TBC1D22B: variants seen among roughly 807,000 people sequenced by gnomAD.
TBC1D22B encodes the protein TBC1 domain family member 22B, also known as chromosome 6 open reading frame 197.
A neutral mutation model predicts 69.1 loss-of-function variants in TBC1D22B; 32 were observed. The ratio of observed to expected loss-of-function variants is 0.46; its 90% CI spans 0.35 to 0.62. The LOEUF (loss-of-function observed/expected upper bound fraction) is 0.62, where lower values mean the gene tolerates loss of function less well. Ranked by LOEUF, TBC1D22B falls within the 20% of genes least tolerant of loss-of-function variation. The pLI, the probability that TBC1D22B is intolerant of heterozygous loss-of-function variation, is 0.00. For missense variants in TBC1D22B, 462 were observed against 630.9 expected (o/e 0.73, Z 2.87); for synonymous variants, 206 against 229.8 (o/e 0.90, Z 0.94).
intron 8 of TBC1D22B, chr6:37,295,721 G>C (rs552046273): frequency 3.5e-4 from 114 of 328,726 alleles, no homozygotes; most frequent in African/African-American, 2.5e-3. Flanking sequence ...TCGATTCCCT[G>C]GTCTCTTCCC....
In TBC1D22B at chr6:37,273,200, A is replaced by G. The variant is rs868363596; in HGVS notation, c.113+3550A>G. Among the ~76,000 whole-genome samples, 793 of 151,964 alleles carry G rather than the reference A, an allele frequency of 5.2e-3. 4 individuals are homozygous for G. Among genetic ancestry groups the G allele is most frequent in the African/African-American group, 0.018 (729 of 41,364 alleles). On this transcript the variant is annotated intron_variant, in intron 2 of 12. Transcript: ENST00000373491. ...CCCCGAGGCAAAAAAAAAAAAAAAA[A>G]AAAAACGAGAATAGCAAAGACAACA...
rs1240280143 is a variant in TBC1D22B at position 37,332,310 on chromosome 6, T to C, written c.*1138T>C. The C allele has an allele frequency of 6.6e-6, 1 of 151,730 alleles. No homozygotes were observed. The highest frequency in any genetic ancestry group is 2.1e-4 in the South Asian group (1 of 4,796). 9.4% of individuals were successfully genotyped at this position (151,730 alleles called of 1,614,324 possible). On this transcript the variant is annotated 3_prime_UTR_variant, in exon 13 of 13. Transcript: ENST00000373491. The stretch of plus-strand genomic sequence containing the variant: ...CTTTCCTGGAGCATCTGCCCTTTGC[T>C]CCTAGCAGCCTCCCCAGGAAGGGAC...
At chr6:37,292,097 G>A (rs918270300) in intron 8 of TBC1D22B, among the ~76,000 whole-genome samples, 6 of 152,216 alleles carry the variant, frequency 3.9e-5, no homozygotes, top group Non-Finnish European at 8.8e-5. Flanking sequence ...AGAACCTCAT[G>A]TAGGAATAAG....
chr6:37,291,809 A>G (rs1767196073), intron 8 of TBC1D22B, among the ~76,000 whole-genome samples: 1 of 152,198 alleles, frequency 6.6e-6, no homozygotes, highest in Non-Finnish European at 1.5e-5. Flanking sequence ...AAGTGATGGA[A>G]TGGGCCAAGG....
Position 37,331,280 on chromosome 6 carries a change from CA to C in TBC1D22B, c.*111del. ...CCGGCCAGGAACCACTCCTGTTGTA[CA>C]AAGCTCACACCCACCGCCCAGGTCT... On this transcript the variant is annotated 3_prime_UTR_variant, in exon 13 of 13. Coordinates refer to ENST00000373491, the MANE Select transcript of TBC1D22B (RefSeq NM_017772.4). 2 of 1,173,034 alleles carry C rather than the reference CA, an allele frequency of 1.7e-6. No homozygotes were observed. Among genetic ancestry groups the C allele is most frequent in the Non-Finnish European group, 2.5e-6 (2 of 803,178 alleles). 72.7% of individuals were successfully genotyped at this position (1,173,034 alleles called of 1,614,324 possible). A position where few individuals can be genotyped will look rare whatever the true frequency, so the allele number is the denominator to read the frequency against.
chr6:37,261,160 A>G (rs772113568), intron 1 of TBC1D22B, among the ~76,000 whole-genome samples: 5 of 152,132 alleles, frequency 3.3e-5, no homozygotes, highest in African/African-American at 4.8e-5. Context: ...AGGCTTTGGC[A>G]GGTGTGGTGG....
At chr6:37,305,998 C>G (rs1393575804) in intron 8 of TBC1D22B, among the ~76,000 whole-genome samples, 1 of 152,148 alleles carries the variant, frequency 6.6e-6, no homozygotes, top group East Asian at 1.9e-4. Flanking sequence ...AAGCAGCCTC[C>G]CATGTGATAG....
intron 1 of TBC1D22B, 93 bp downstream of exon 1, chr6:37,258,066 C>A: frequency 7.1e-7 from 1 of 1,416,096 alleles, no homozygotes; most frequent in African/African-American, 1.4e-5. Context: ...GCCACAGAGG[C>A]CAGAAGACTG....
At chr6:37,307,827 A>G (rs191729538) in intron 8 of TBC1D22B, among the ~76,000 whole-genome samples, 80 of 152,320 alleles carry the variant, frequency 5.3e-4, no homozygotes, top group Non-Finnish European at 9.6e-4. Flanking sequence ...GGCCCACCAG[A>G]TCACATCTAG....
At chr6:37,312,486 C>G (rs572260265) in intron 8 of TBC1D22B, among the ~76,000 whole-genome samples, 1 of 152,308 alleles carries the variant, frequency 6.6e-6, no homozygotes, top group Non-Finnish European at 1.5e-5. Flanking sequence ...TGGGGGCTTT[C>G]TGATCCTAGC....
chr6:37,304,387 C>T (rs145086043), intron 8 of TBC1D22B, among the ~76,000 whole-genome samples: 1,807 of 152,262 alleles, frequency 0.012, 31 homozygotes, highest in Middle Eastern at 0.044. Flanking sequence ...AATGAAACAA[C>T]CCTAATATCA....
intron 12 of TBC1D22B, among the ~76,000 whole-genome samples, chr6:37,317,675 G>A (rs1046701236): frequency 9.9e-5 from 15 of 152,166 alleles, no homozygotes; most frequent in African/African-American, 2.9e-4. Context: ...AAAAAGTAGA[G>A]CAGGGTAAAG....
At chr6:37,299,721 A>C (rs561714685) in intron 8 of TBC1D22B, among the ~76,000 whole-genome samples, 3 of 152,262 alleles carry the variant, frequency 2.0e-5, no homozygotes, top group Non-Finnish European at 4.4e-5. Flanking sequence ...AAGATTACAA[A>C]AATACTGGCC....
At position 37,300,553 on chromosome 6, in the gene TBC1D22B, G is replaced by T. The variant is rs181429744; in HGVS notation, c.982+9196G>T. 5.5e-4 allele frequency among the ~76,000 whole-genome samples: 83 copies of T among 151,970 alleles called. 3 individuals carry two copies. The East Asian group carries it at 0.013, about 24-fold the overall frequency. On this transcript the variant is annotated intron_variant, in intron 8 of 12. Transcript: ENST00000373491. ...TTTTTGTATTTTTGAGTAGAGACGGGGTTTTACCACGCTGGCCAGGCTGGT... is the reference window on the plus strand; with the variant it reads ...TTTTTGTATTTTTGAGTAGAGACGGTGTTTTACCACGCTGGCCAGGCTGGT...
chr6:37,258,982 A>G (rs1583512715), intron 1 of TBC1D22B, among the ~76,000 whole-genome samples: 1 of 145,664 alleles, frequency 6.9e-6, no homozygotes, highest in African/African-American at 2.5e-5. Flanking sequence ...CGAGAGAGAG[A>G]TGAGGGTCAG....
chr6:37,324,218 C>A, intron 12 of TBC1D22B: 1 of 442,684 alleles, frequency 2.3e-6, no homozygotes, highest in Middle Eastern at 3.3e-4. Flanking sequence ...ATTTAATGTT[C>A]TTTTGTTGCT....
chr6:37,282,505 G>T, intron 4 of TBC1D22B, 141 bp downstream of exon 4: 1 of 1,047,288 alleles, frequency 9.5e-7, no homozygotes, highest in South Asian at 1.7e-5. Context: ...TGACATGCAG[G>T]TATTAAGTCA....
chr6:37,260,006 T>C (rs952021835), intron 1 of TBC1D22B, among the ~76,000 whole-genome samples: 1 of 152,236 alleles, frequency 6.6e-6, no homozygotes, highest in Non-Finnish European at 1.5e-5. Flanking sequence ...TTGTCTTCGT[T>C]GTTTAAGGTA....
At chr6:37,321,878 T>G (rs1266576831) in intron 12 of TBC1D22B, among the ~76,000 whole-genome samples, 2 of 152,188 alleles carry the variant, frequency 1.3e-5, no homozygotes, top group Admixed American at 1.3e-4. Context: ...TGTTTTCATC[T>G]GGGTGGTGGT....
Sources: allele counts gnomAD v4.1 joint callset (sites outside exome capture counted in the v4.1 genomes callset), GRCh38; gene constraint gnomAD v4.1.1; transcripts MANE v1.5; gene names NCBI Gene and HGNC (gene_info 2026-07-23, HGNC 2026-07-21).